Variants in SMARCAD1 observed in about 807,000 individuals in gnomAD.
SMARCAD1 encodes the protein SWI/SNF-related matrix-associated actin-dependent regulator of chromatin subfamily A containing DEAD/H box 1.
SMARCAD1 carries 25 observed loss-of-function variants against 127.1 expected under a neutral mutation model. The observed-to-expected ratio is 0.20, with a 90% confidence interval of 0.14 to 0.27. The LOEUF is 0.27. Ranked by LOEUF, SMARCAD1 falls within the 10% of genes least tolerant of loss-of-function variation. SMARCAD1 has a pLI of 1.00. For synonymous variants in SMARCAD1, 400 were observed against 396.9 expected, an observed-to-expected ratio of 1.01 and a Z score of -0.09; for missense variants, 807 against 1,206.0, an observed-to-expected ratio of 0.67 and a Z score of 4.90.
At chr4:94,274,695 C>G in intron 12 of SMARCAD1, 43 bp from the exon 13 acceptor site, 1 of 1,534,284 alleles carries the variant, frequency 6.5e-7, no homozygotes, top group Non-Finnish European at 9.0e-7. Flanking sequence ...TGTGAACATA[C>G]CCTATTGTAG....
chr4:94,289,957 C>T lies in SMARCAD1; in HGVS notation c.*423C>T. The T allele has an allele frequency of 2.2e-6, 1 of 454,074 alleles. No individual in the cohort carries two copies. Among genetic ancestry groups the T allele is most frequent in the South Asian group, 1.6e-5 (1 of 64,220 alleles). 28.1% of individuals were successfully genotyped at this position (454,074 alleles called of 1,614,324 possible). ...TGACAATGCTTATGTCTTGTTTTTGCTTGTCTCATTTGAAGTTCTTTTTTA... is the reference window on the plus strand; with the variant it reads ...TGACAATGCTTATGTCTTGTTTTTGTTTGTCTCATTTGAAGTTCTTTTTTA... On this transcript the variant is annotated 3_prime_UTR_variant, in exon 24 of 24. Transcript: ENST00000354268.
Position 94,278,468 on chromosome 4 carries a change from A to G in SMARCAD1, c.2129A>G (p.His710Arg). 6.2e-7 allele frequency: 1 copy of G among 1,613,944 alleles called. No homozygotes were observed. ...QSIYEKERIA[H>R]AKQIIKPFIL... ...ATATATGAAAAGGAGAGAATAGCAC[A>G]TGCAAAACAAATTATAAAGCCATTT... The change falls in exon 17 of 24, where the codon CAT becomes CGT. Residue 710 changes from histidine to arginine, a missense_variant. Transcript: ENST00000354268.
At chr4:94,264,513 A>T in intron 9 of SMARCAD1, 194 bp from the exon 10 acceptor site, 1 of 517,062 alleles carries the variant, frequency 1.9e-6, no homozygotes, top group Middle Eastern at 5.2e-4. Context: ...TTGATGTGTG[A>T]CAGTAGAATA....
intron 6 of SMARCAD1, 106 bp from the exon 7 acceptor site, chr4:94,249,548 T>G: frequency 2.8e-6 from 2 of 716,906 alleles, no homozygotes; most frequent in Non-Finnish European, 5.1e-6. Context: ...TTCTTCTGAC[T>G]GATGATGATA....
intron 9 of SMARCAD1, among the ~76,000 whole-genome samples, chr4:94,260,204 T>G (rs1270695785): frequency 2.0e-5 from 3 of 152,194 alleles, no homozygotes; most frequent in Non-Finnish European, 4.4e-5. Flanking sequence ...CACCCACCAA[T>G]ATTATTACAT....
At position 94,281,540 on chromosome 4, in the gene SMARCAD1, T is replaced by A. The variant is rs199718824; in HGVS notation, c.2676T>A (p.His892Gln). ...ATATCTTAGAGGTTCTATTAAAACA[T>A]CATCAGCATAGGTACCTCAGATTAG... The part of the protein sequence containing the change: ...MLDILEVLLK[H>Q]HQHRYLRLDG... The change falls in exon 21 of 24, where the codon CAT becomes CAA. Residue 892 changes from histidine to glutamine, a missense_variant. Around this residue, in one of 8 missense-constraint regions of SMARCAD1, gnomAD observed 44 missense variants for 119.1 expected, o/e 0.37. Coordinates refer to ENST00000354268, the MANE Select transcript of SMARCAD1 (RefSeq NM_020159.5). 105 of 1,613,462 alleles carry A rather than the reference T, an allele frequency of 6.5e-5. No individual in the cohort carries two copies. Among genetic ancestry groups the A allele is most frequent in the African/African-American group, 5.1e-4 (38 of 75,032 alleles).
In SMARCAD1 at chr4:94,280,712, A is replaced by T; in HGVS notation, c.2539A>T (p.Met847Leu). 5.0e-6 allele frequency: 8 copies of T among 1,613,812 alleles called. No individual in the cohort carries two copies. Among genetic ancestry groups the T allele is most frequent in the Non-Finnish European group, 6.8e-6 (8 of 1,179,850 alleles). The change falls in exon 20 of 24, where the codon ATG (methionine) becomes TTG (leucine). Residue 847 changes from methionine to leucine, a missense_variant. Around this residue, in one of 8 missense-constraint regions of SMARCAD1, gnomAD observed 99 missense variants for 126.0 expected, o/e 0.79. Coordinates refer to ENST00000354268, the MANE Select transcript of SMARCAD1 (RefSeq NM_020159.5). ...YRHINNFQLD[M>L]DLILDSGKFR... Reference sequence around the variant, plus strand: ...ACACATTAATAACTTTCAGTTAGACATGGACTTGATTTTAGATTCTGGAAA... The same window carrying T: ...ACACATTAATAACTTTCAGTTAGACTTGGACTTGATTTTAGATTCTGGAAA...
intron 19 of SMARCAD1, 104 bp downstream of exon 19, chr4:94,279,154 A>G (rs897926334): frequency 6.7e-6 from 10 of 1,486,638 alleles, no homozygotes; most frequent in African/African-American, 1.4e-5. Flanking sequence ...TTAACTACAT[A>G]TTTAAGAAAA....
Position 94,264,876 on chromosome 4 carries a change from A to C in SMARCAD1, c.1451A>C (p.Asn484Thr). 1 of 1,612,890 alleles carries C rather than the reference A, an allele frequency of 6.2e-7. No individual in the cohort carries two copies. The highest frequency in any genetic ancestry group is 8.5e-7 in the Non-Finnish European group (1 of 1,179,150). The change falls in exon 10 of 24, where the codon AAC becomes ACC. Residue 484 changes from asparagine (N) to threonine (T), a missense_variant. By Grantham distance (65) the Asn-to-Thr change is moderately conservative. Around this residue, in one of 8 missense-constraint regions of SMARCAD1, gnomAD observed 257 missense variants for 303.4 expected, o/e 0.85. Coordinates refer to ENST00000354268, the MANE Select transcript of SMARCAD1 (RefSeq NM_020159.5). The stretch of plus-strand genomic sequence containing the variant: ...CTTACTGGAAATGGAGGTGGATGGA[A>C]CATAGAACAACCTTCCATTCTAAAC... Reference protein sequence around the residue: ...TMLTGNGGGWNIEQPSILNQS... With the variant: ...TMLTGNGGGWTIEQPSILNQS...
intron 23 of SMARCAD1, among the ~76,000 whole-genome samples, chr4:94,286,433 A>G (rs1184911218): frequency 1.3e-5 from 2 of 152,032 alleles, no homozygotes; most frequent in South Asian, 4.1e-4. Context: ...ATTTACCCCC[A>G]TTTCCTGAGC....
chr4:94,208,179 C>G (rs921002567), intron 1 of SMARCAD1, 109 bp downstream of exon 1: 2 of 694,294 alleles, frequency 2.9e-6, no homozygotes, highest in Admixed American at 2.0e-5. Flanking sequence ...AAAGATACCC[C>G]CGTCCACCTT....
chr4:94,256,634 G>T (rs957952398), intron 9 of SMARCAD1, among the ~76,000 whole-genome samples: 3 of 152,166 alleles, frequency 2.0e-5, no homozygotes. Context: ...AAGTGCCGGG[G>T]TTACAGGCGT....
intron 4 of SMARCAD1, among the ~76,000 whole-genome samples, chr4:94,235,516 A>G (rs1244319443): frequency 6.6e-6 from 1 of 151,624 alleles, no homozygotes; most frequent in Non-Finnish European, 1.5e-5. Context: ...TTTGACATGA[A>G]TCCACTGGAT....
intron 19 of SMARCAD1, 62 bp downstream of exon 19, chr4:94,279,112 A>C: frequency 6.2e-7 from 1 of 1,606,740 alleles, no homozygotes; most frequent in Non-Finnish European, 8.5e-7. Context: ...TTAGGCTATA[A>C]GATTGGTGAA....
chr4:94,278,007 A>G (rs1421703541), intron 16 of SMARCAD1, among the ~76,000 whole-genome samples: 3 of 152,178 alleles, frequency 2.0e-5, no homozygotes, highest in African/African-American at 4.8e-5. Context: ...AGTGATTTGC[A>G]TCAGTCTGCA....
At chr4:94,279,308 G>A (rs371988225) in intron 19 of SMARCAD1, among the ~76,000 whole-genome samples, 132 of 152,158 alleles carry the variant, frequency 8.7e-4, no homozygotes, top group East Asian at 1.5e-3. Flanking sequence ...CACCATGCCC[G>A]GCTAATTTTT....
intron 2 of SMARCAD1, among the ~76,000 whole-genome samples, chr4:94,214,768 C>A (rs902694276): frequency 1.3e-5 from 2 of 150,418 alleles, no homozygotes; most frequent in South Asian, 2.1e-4. Flanking sequence ...TTGGCATTGG[C>A]GGAATGGAGG....
intron 2 of SMARCAD1, among the ~76,000 whole-genome samples, chr4:94,220,470 A>G (rs796084252): frequency 6.6e-6 from 1 of 151,686 alleles, no homozygotes; most frequent in African/African-American, 2.4e-5. Context: ...TTGCTCTCGA[A>G]CTCCTGACCT....
rs142551361 is a variant in SMARCAD1 at position 94,224,902 on chromosome 4, A to T, written c.191-1217A>T. 7.5e-3 allele frequency among the ~76,000 whole-genome samples: 1,144 copies of T among 152,308 alleles called. 7 individuals carry two copies. The highest frequency in any genetic ancestry group is 0.026 in the African/African-American group (1,068 of 41,558). ...TTGATAATGACCTACGAGAGAATTA[A>T]TGACAGCTATCATTTTTAACCTTTG... On this transcript the variant is annotated intron_variant, in intron 2 of 23. Transcript: ENST00000354268.
Sources: allele counts gnomAD v4.1 joint callset (sites outside exome capture counted in the v4.1 genomes callset), GRCh38; gene constraint gnomAD v4.1.1; regional missense constraint gnomAD v4.1.1; transcripts MANE v1.5; gene names NCBI Gene and HGNC (gene_info 2026-07-23, HGNC 2026-07-21).